FHIT: variants seen among roughly 807,000 people sequenced by gnomAD.
The protein encoded by FHIT is fragile histidine triad diadenosine triphosphatase, also known as bis(5'-adenosyl)-triphosphatase.
Under a neutral mutation model 17.9 loss-of-function variants are expected in FHIT, and 19 were observed. That is an observed-to-expected ratio of 1.06 (90% CI 0.74 to 1.56). The LOEUF (loss-of-function observed/expected upper bound fraction) is 1.56, where lower values mean the gene tolerates loss of function less well. Ranked by LOEUF, FHIT falls within the 40% of genes most tolerant of loss-of-function variation. FHIT has a pLI of 0.00. For missense variants in FHIT, 248 were observed against 189.2 expected (o/e 1.31, Z -1.82); for synonymous variants, 81 against 69.7 (o/e 1.16, Z -0.81).
chr3:60,028,135 A>C (rs939952725), intron 5 of FHIT, among the ~76,000 whole-genome samples: 12 of 151,844 alleles, frequency 7.9e-5, no homozygotes, highest in Admixed American at 5.3e-4. Flanking sequence ...ACATGCCCCA[A>C]GGTGGGTGGC....
chr3:59,997,920 A>G (rs972572327), intron 7 of FHIT, among the ~76,000 whole-genome samples: 1 of 152,132 alleles, frequency 6.6e-6, no homozygotes, highest in African/African-American at 2.4e-5. Context: ...CGTATAATTT[A>G]TTAAACCTTA....
At chr3:60,555,639 CA>C (rs2036715483) in intron 4 of FHIT, among the ~76,000 whole-genome samples, 1 of 152,198 alleles carries the variant, frequency 6.6e-6, no homozygotes, top group Admixed American at 6.5e-5. Context: ...AGGCACTCAT[CA>C]GGGGATCTCT....
intron 6 of FHIT, 46 bp from the exon 7 acceptor site, chr3:60,011,446 A>T (rs184157482): frequency 6.7e-7 from 1 of 1,498,568 alleles, no homozygotes; most frequent in South Asian, 1.1e-5. Context: ...GATAGATGGT[A>T]TCTCCTGCTT....
At chr3:60,451,083 A>G (rs1238372362) in intron 5 of FHIT, among the ~76,000 whole-genome samples, 2 of 152,208 alleles carry the variant, frequency 1.3e-5, no homozygotes, top group Non-Finnish European at 2.9e-5. Context: ...ACATAGTTTG[A>G]ATTAAACATC....
chr3:60,050,568 G>T (rs912374454), intron 5 of FHIT, among the ~76,000 whole-genome samples: 1 of 150,608 alleles, frequency 6.6e-6, no homozygotes, highest in Non-Finnish European at 1.5e-5. Flanking sequence ...ATTTCAGGCT[G>T]TTCCCAGACC....
At chr3:60,629,761 T>G (rs1317984387) in intron 4 of FHIT, among the ~76,000 whole-genome samples, 1 of 152,202 alleles carries the variant, frequency 6.6e-6, no homozygotes, top group Non-Finnish European at 1.5e-5. Flanking sequence ...TTAATGTATC[T>G]AGGTAGACTG....
intron 5 of FHIT, among the ~76,000 whole-genome samples, chr3:60,422,356 CAA>C (rs1702508957): frequency 1.1e-4 from 17 of 152,168 alleles, no homozygotes; most frequent in African/African-American, 4.1e-4. Context: ...TGCTTGGAAT[CAA>C]GCAGCATGGA....
intron 4 of FHIT, among the ~76,000 whole-genome samples, chr3:60,559,243 T>C (rs992458882): frequency 5.3e-5 from 8 of 152,120 alleles, no homozygotes; most frequent in Admixed American, 4.6e-4. Flanking sequence ...ACAAAATAAA[T>C]AAGGAGACAA....
chr3:60,104,957 T>C (rs11917733), intron 5 of FHIT, among the ~76,000 whole-genome samples: 35,935 of 152,066 alleles, frequency 0.24, 4,336 homozygotes, highest in Middle Eastern at 0.35. Context: ...GCTCTTACTG[T>C]CTTTAGTATA....
rs763718560 is a variant in FHIT at position 60,368,195 on chromosome 3, TA to T, written c.103+168664del. Reference sequence around the variant, plus strand: ...TGTAAAATCATAAAACATATCTTTTTAAAAAAAAAAAAAAAAAGAAACTGAG... The same window carrying T: ...TGTAAAATCATAAAACATATCTTTTTAAAAAAAAAAAAAAAAGAAACTGAG... On this transcript the variant is annotated intron_variant, in intron 5 of 9. Transcript: ENST00000492590. Among the ~76,000 whole-genome samples, 798 of 140,788 alleles carry T rather than the reference TA, an allele frequency of 5.7e-3. 6 individuals carry two copies. Among genetic ancestry groups the T allele is most frequent in the East Asian group, 0.015 (71 of 4,600 alleles). The allele number at this position is 140,788 out of a possible 152,430, so 92.4% of individuals were successfully genotyped here.
chr3:59,992,304 T>G (rs1699309607), intron 7 of FHIT, among the ~76,000 whole-genome samples: 1 of 152,078 alleles, frequency 6.6e-6, no homozygotes, highest in Non-Finnish European at 1.5e-5. Flanking sequence ...TTATATTGTT[T>G]TCCTGGCGTA....
chr3:60,077,646 C>T (rs957394942), intron 5 of FHIT: 3 of 148,464 alleles, frequency 2.0e-5, no homozygotes, highest in Non-Finnish European at 4.4e-5. Context: ...CTGATAATAT[C>T]CCAGAGACTA....
intron 5 of FHIT, among the ~76,000 whole-genome samples, chr3:60,318,854 G>A (rs909588910): frequency 2.0e-5 from 3 of 152,296 alleles, no homozygotes; most frequent in Admixed American, 1.3e-4. Context: ...TTGTTGGCAG[G>A]CTGATTCTTT....
chr3:60,235,726 A>G (rs1019712361), intron 5 of FHIT, among the ~76,000 whole-genome samples: 4 of 152,196 alleles, frequency 2.6e-5, no homozygotes, highest in African/African-American at 9.6e-5. Context: ...GAAAAACATC[A>G]CAACAGAAAG....
At chr3:60,562,357 G>A (rs893331188) in intron 4 of FHIT, among the ~76,000 whole-genome samples, 1 of 152,096 alleles carries the variant, frequency 6.6e-6, no homozygotes, top group African/African-American at 2.4e-5. Context: ...CATACATTGG[G>A]ATAATGCCAT....
chr3:61,046,262 AAG>A, intron 2 of FHIT, among the ~76,000 whole-genome samples: 1 of 152,248 alleles, frequency 6.6e-6, no homozygotes, highest in East Asian at 1.9e-4. Flanking sequence ...TAAAGAAGAA[AAG>A]AGAGAAGAAT....
At chr3:61,223,550 C>A (rs966279062) in intron 1 of FHIT, among the ~76,000 whole-genome samples, 3 of 152,192 alleles carry the variant, frequency 2.0e-5, no homozygotes, top group African/African-American at 7.2e-5. Context: ...AGTCCCTTAG[C>A]CCTTCCTAAT....
chr3:61,007,131 ATGT>A (rs975959977), intron 3 of FHIT, among the ~76,000 whole-genome samples: 8 of 152,318 alleles, frequency 5.3e-5, no homozygotes, highest in African/African-American at 1.4e-4. Flanking sequence ...GGCCAATGAA[ATGT>A]TGTTGTTTTG....
intron 3 of FHIT, among the ~76,000 whole-genome samples, chr3:60,923,478 G>C (rs1362360731): frequency 6.6e-6 from 1 of 152,194 alleles, no homozygotes; most frequent in African/African-American, 2.4e-5. Context: ...TAAAGATTAA[G>C]TAAATGCAAG....
Sources: allele counts gnomAD v4.1 joint callset (sites outside exome capture counted in the v4.1 genomes callset), GRCh38; gene constraint gnomAD v4.1.1; transcripts MANE v1.5; gene names NCBI Gene and HGNC (gene_info 2026-07-23, HGNC 2026-07-21).